KCNMB2: variants seen among roughly 807,000 people sequenced by gnomAD.
The protein encoded by KCNMB2 is potassium calcium-activated channel subfamily M regulatory beta subunit 2.
KCNMB2 carries 9 observed loss-of-function variants against 24.5 expected under a neutral mutation model. The observed-to-expected ratio is 0.37, with a 90% CI of 0.22 to 0.64. The LOEUF (loss-of-function observed/expected upper bound fraction) is 0.64, where lower values mean the gene tolerates loss of function less well. Ranked by LOEUF, KCNMB2 falls within the 30% of genes least tolerant of loss-of-function variation. The pLI is 0.63. For missense variants in KCNMB2, 226 were observed against 284.3 expected (o/e 0.79, Z 1.47); for synonymous variants, 109 against 104.4 (o/e 1.04, Z -0.27).
chr3:178,770,918 G>C lies in KCNMB2; in HGVS notation c.-67-36425G>C, dbSNP rs74709185. On this transcript the variant is annotated intron_variant, in intron 1 of 4. Coordinates refer to ENST00000452583, the MANE Select transcript of KCNMB2 (RefSeq NM_181361.3). ...TGACTCTTAGCTTTTATGTCTTGTT[G>C]GTATCAGGATTAATTTGGGGGTAAA... Among the ~76,000 whole-genome samples the C allele has an allele frequency of 9.2e-5, 14 of 152,214 alleles. No homozygotes were observed. The East Asian group carries it at 2.7e-3, about 29-fold the overall frequency.
intron 1 of KCNMB2, among the ~76,000 whole-genome samples, chr3:178,554,812 C>A (rs1240491479): frequency 6.6e-6 from 1 of 152,170 alleles, no homozygotes; most frequent in Non-Finnish European, 1.5e-5. Flanking sequence ...GTACTGATTA[C>A]TATTCAAAAG....
chr3:178,568,206 G>A (rs1464587417), intron 1 of KCNMB2, among the ~76,000 whole-genome samples: 1 of 152,062 alleles, frequency 6.6e-6, no homozygotes, highest in African/African-American at 2.4e-5. Flanking sequence ...ACACAGATAA[G>A]AAGATATGTA....
At chr3:178,547,846 G>A (rs1715823987) in intron 1 of KCNMB2, among the ~76,000 whole-genome samples, 1 of 152,168 alleles carries the variant, frequency 6.6e-6, no homozygotes, top group African/African-American at 2.4e-5. Flanking sequence ...CCCTGTGGCT[G>A]TCATCTTTAG....
chr3:178,569,295 C>T (rs1716682440), intron 1 of KCNMB2, among the ~76,000 whole-genome samples: 1 of 152,036 alleles, frequency 6.6e-6, no homozygotes, highest in South Asian at 2.1e-4. Flanking sequence ...TCTGATTGGC[C>T]CCACACGATC....
intron 1 of KCNMB2, among the ~76,000 whole-genome samples, chr3:178,602,573 T>TG (rs35561776): frequency 2.5e-5 from 3 of 121,516 alleles, no homozygotes; most frequent in Middle Eastern, 3.7e-3. Context: ...GGTTCGGGGG[T>TG]GGGGGGGAGG....
intron 1 of KCNMB2, among the ~76,000 whole-genome samples, chr3:178,763,359 G>C (rs1356362734): frequency 6.6e-6 from 1 of 152,144 alleles, no homozygotes; most frequent in African/African-American, 2.4e-5. Context: ...TTGGGGTTCA[G>C]TCAGATAAGG....
intron 4 of KCNMB2, among the ~76,000 whole-genome samples, chr3:178,836,071 T>C (rs1260839444): frequency 6.6e-6 from 1 of 152,164 alleles, no homozygotes; most frequent in East Asian, 1.9e-4. Flanking sequence ...ATCTGAGAAA[T>C]GGATAGCTCC....
chr3:178,819,322 C>T (rs1714534331), intron 2 of KCNMB2, among the ~76,000 whole-genome samples: 2 of 152,148 alleles, frequency 1.3e-5, no homozygotes, highest in Admixed American at 1.3e-4. Context: ...CTACACAGTT[C>T]TATAATAAAC....
intron 1 of KCNMB2, among the ~76,000 whole-genome samples, chr3:178,794,235 G>A (rs1713442297): frequency 6.6e-6 from 1 of 152,122 alleles, no homozygotes; most frequent in African/African-American, 2.4e-5. Flanking sequence ...TCATTCTGTA[G>A]CTTCGTGTTC....
At chr3:178,662,384 T>C (rs2108572098) in intron 1 of KCNMB2, among the ~76,000 whole-genome samples, 1 of 152,278 alleles carries the variant, frequency 6.6e-6, no homozygotes, top group African/African-American at 2.4e-5. Context: ...TGAAAAACGA[T>C]TTGAGGTAGC....
Position 178,772,091 on chromosome 3 carries a change from T to G in KCNMB2, c.-67-35252T>G, listed in dbSNP as rs369734783. Among the ~76,000 whole-genome samples, 339 of 152,280 alleles carry G rather than the reference T, an allele frequency of 2.2e-3. 2 individuals are homozygous for G. The highest frequency in any genetic ancestry group is 7.7e-3 in the African/African-American group (320 of 41,568). Reference sequence around the variant, plus strand: ...TTAGTGAGGTCACTAATAGATTAACTAACGATCCCCTCCTCCCACGTATCT... The same window carrying G: ...TTAGTGAGGTCACTAATAGATTAACGAACGATCCCCTCCTCCCACGTATCT... On this transcript the variant is annotated intron_variant, in intron 1 of 4. Coordinates refer to ENST00000452583, the MANE Select transcript of KCNMB2 (RefSeq NM_181361.3).
intron 1 of KCNMB2, among the ~76,000 whole-genome samples, chr3:178,693,464 G>A (rs1721757116): frequency 6.6e-6 from 1 of 152,170 alleles, no homozygotes; most frequent in African/African-American, 2.4e-5. Context: ...ATGAATGAAA[G>A]TTGAATTTTA....
At chr3:178,683,167 T>C (rs1415102964) in intron 1 of KCNMB2, among the ~76,000 whole-genome samples, 1 of 152,190 alleles carries the variant, frequency 6.6e-6, no homozygotes, top group Non-Finnish European at 1.5e-5. Context: ...TCGTGTTCTT[T>C]GCAGCAACAT....
chr3:178,642,852 G>C (rs1029446247), intron 1 of KCNMB2, among the ~76,000 whole-genome samples: 2 of 152,174 alleles, frequency 1.3e-5, no homozygotes, highest in Non-Finnish European at 2.9e-5. Flanking sequence ...GGTCATTTAA[G>C]GGGATTCATG....
At chr3:178,600,830 G>A (rs892458175) in intron 1 of KCNMB2, among the ~76,000 whole-genome samples, 1 of 152,118 alleles carries the variant, frequency 6.6e-6, no homozygotes, top group African/African-American at 2.4e-5. Flanking sequence ...TGAGATTGCT[G>A]GGTCAAATGG....
chr3:178,758,001 A>ACAAGAG (rs1312329650), intron 1 of KCNMB2, among the ~76,000 whole-genome samples: 1 of 1,284 alleles, frequency 7.8e-4, no homozygotes, highest in Non-Finnish European at 2.7e-3. Flanking sequence ...ATATATATCT[A>ACAAGAG]GATATATATA....
At chr3:178,571,447 G>GAGATATATATATATAT (rs1491315279) in intron 1 of KCNMB2, among the ~76,000 whole-genome samples, 2 of 91,100 alleles carry the variant, frequency 2.2e-5, no homozygotes, top group African/African-American at 6.6e-5. Flanking sequence ...TTTCCTTATG[G>GAGATATATATATATAT]ATATATATAT....
intron 1 of KCNMB2, among the ~76,000 whole-genome samples, chr3:178,739,386 C>T (rs1723422191): frequency 6.6e-6 from 1 of 152,208 alleles, no homozygotes; most frequent in African/African-American, 2.4e-5. Flanking sequence ...CTTATTCCTG[C>T]TGTTTGAGTG....
intron 1 of KCNMB2, among the ~76,000 whole-genome samples, chr3:178,670,442 TAAC>T (rs1720863055): frequency 6.6e-6 from 1 of 152,148 alleles, no homozygotes; most frequent in African/African-American, 2.4e-5. Flanking sequence ...CTGTTAGTAA[TAAC>T]AACAGTAATT....
Sources: gnomAD v4.1 joint callset for allele counts (sites outside exome capture counted in the v4.1 genomes callset) on GRCh38, gnomAD v4.1.1 for gene constraint, MANE v1.5 for transcripts, NCBI Gene and HGNC (gene_info 2026-07-23, HGNC 2026-07-21) for gene names.